ERBB2: variants seen among roughly 807,000 people sequenced by gnomAD.
ERBB2 encodes the protein receptor tyrosine-protein kinase erbB-2.
In ERBB2, 61 loss-of-function variants were observed where a neutral mutation model predicts 149.0. That is an observed-to-expected ratio of 0.41 (90% CI 0.33 to 0.51). The LOEUF (loss-of-function observed/expected upper bound fraction) is 0.51. Ranked by LOEUF, ERBB2 falls within the 20% of genes least tolerant of loss-of-function variation. ERBB2 has a pLI of 0.25. For synonymous variants in ERBB2, 633 were observed against 678.8 expected, an observed-to-expected ratio of 0.93 and a Z score of 1.05; for missense variants, 1,205 against 1,655.1, an observed-to-expected ratio of 0.73 and a Z score of 4.72.
At position 39,723,888 on chromosome 17, in the gene ERBB2, T is replaced by C; in HGVS notation, c.2209-24T>C. On this transcript the variant is annotated intron_variant, in intron 18 of 26. Transcript: ENST00000269571. This position sits in a 1 kb window ranked among gnomAD's most constrained non-coding sequence, Gnocchi z 6.2. ...AGGATCCAGCCCACGCTCTTCTCAC[T>C]CATATCCTCCTCTTTCTGCCCAGGG... 6.3e-7 allele frequency: 1 copy of C among 1,595,458 alleles called. No individual in the cohort carries two copies. The highest frequency in any genetic ancestry group is 8.6e-7 in the Non-Finnish European group (1 of 1,163,142).
chr17:39,711,729 C>G (rs757574376), intron 7 of ERBB2, among the ~76,000 whole-genome samples, 199 bp from the exon 8 acceptor site: 9 of 152,190 alleles, frequency 5.9e-5, no homozygotes, highest in South Asian at 2.1e-4. Context: ...CTTTGGTCTC[C>G]CTTTTTGCAA....
intron 1 of ERBB2, among the ~76,000 whole-genome samples, chr17:39,706,031 T>C (rs1406928333): frequency 1.3e-5 from 2 of 152,206 alleles, no homozygotes; most frequent in African/African-American, 4.8e-5. Context: ...TGTGAGCTGC[T>C]ACCCCGGCGC....
chr17:39,694,042 T>G (rs1247287869), upstream of ERBB2, among the ~76,000 whole-genome samples: 1 of 146,160 alleles, frequency 6.8e-6, no homozygotes, highest in Non-Finnish European at 1.5e-5. Flanking sequence ...AAAAATTAGC[T>G]GGATGTGGTG....
chr17:39,708,272 G>A (rs765000822), intron 2 of ERBB2, 49 bp from the exon 3 acceptor site: 2 of 1,511,040 alleles, frequency 1.3e-6, no homozygotes, highest in Non-Finnish European at 1.8e-6. Flanking sequence ...GGAGGCCCTG[G>A]GGGGTGGCAG....
chr17:39,695,701 G>GCACACACACACACA (rs1226871960), upstream of ERBB2, among the ~76,000 whole-genome samples: 3 of 41,810 alleles, frequency 7.2e-5, no homozygotes, highest in Admixed American at 8.5e-4. Flanking sequence ...TTTGGTGCAT[G>GCACACACACACACA]CATACACACA....
intron 12 of ERBB2, 73 bp from the exon 13 acceptor site, chr17:39,716,228 G>T: frequency 6.8e-7 from 1 of 1,480,462 alleles, no homozygotes; most frequent in Non-Finnish European, 9.0e-7. Flanking sequence ...CATGCCCACA[G>T]CCAGTTCCCT....
At chr17:39,711,079 T>C (rs571016671) in intron 7 of ERBB2, among the ~76,000 whole-genome samples, 2 of 152,282 alleles carry the variant, frequency 1.3e-5, no homozygotes, top group South Asian at 2.1e-4. Flanking sequence ...TTTGTATTTT[T>C]AGTAGAGACA....
chr17:39,725,917 C>T lies in ERBB2; in HGVS notation c.2872+64C>T. The T allele has an allele frequency of 6.4e-7, 1 of 1,574,068 alleles. No individual in the cohort carries two copies. The highest frequency in any genetic ancestry group is 8.7e-7 in the Non-Finnish European group (1 of 1,152,028). Reference sequence around the variant, plus strand: ...GGGAGGTCCTGGGTGGAGGAGCCCACAAGGGGCATGAAAGGGGACCAGGAT... The same window carrying T: ...GGGAGGTCCTGGGTGGAGGAGCCCATAAGGGGCATGAAAGGGGACCAGGAT... On this transcript the variant is annotated intron_variant, in intron 23 of 26. Coordinates refer to ENST00000269571, the MANE Select transcript of ERBB2 (RefSeq NM_004448.4). This position sits in a 1 kb window ranked among gnomAD's most constrained non-coding sequence, Gnocchi z 4.6.
upstream of ERBB2, among the ~76,000 whole-genome samples, chr17:39,694,260 T>TACAC (rs55761415): frequency 7.6e-3 from 179 of 23,478 alleles, 8 homozygotes; most frequent in African/African-American, 0.018. Context: ...TATATATATA[T>TACAC]ATATATATGT....
upstream of ERBB2, among the ~76,000 whole-genome samples, chr17:39,695,753 ACACACG>A (rs1482993842): frequency 3.4e-5 from 5 of 146,702 alleles, no homozygotes; most frequent in African/African-American, 1.3e-4. Flanking sequence ...ACACACACAC[ACACACG>A]TCTCCTGTGC....
chr17:39,726,754 C>CA lies in ERBB2; in HGVS notation c.2971-60dup. On this transcript the variant is annotated intron_variant, in intron 24 of 26. Transcript: ENST00000269571. The surrounding 1 kb of genome is among the most constrained non-coding windows in gnomAD (Gnocchi z 5.1). Reference sequence around the variant, plus strand: ...GATGAGTCCAGTATGCCAGGCCCCTCACGGAAGGCTGCATGCTGGGCTGGG... The same window carrying CA: ...GATGAGTCCAGTATGCCAGGCCCCTCAACGGAAGGCTGCATGCTGGGCTGGG... 6.3e-7 allele frequency: 1 copy of CA among 1,592,382 alleles called. No individual in the cohort carries two copies. Among genetic ancestry groups the CA allele is most frequent in the Non-Finnish European group, 8.6e-7 (1 of 1,160,540 alleles).
upstream of ERBB2, among the ~76,000 whole-genome samples, chr17:39,691,934 C>CATAT (rs57592884): frequency 0.15 from 18,106 of 120,478 alleles, 1,515 homozygotes; most frequent in Admixed American, 0.23. Context: ...TATACATATA[C>CATAT]ATATATATAT....
At chr17:39,706,699 C>G (rs1291902633) in intron 1 of ERBB2, 1 of 304,160 alleles carries the variant, frequency 3.3e-6, no homozygotes, top group Non-Finnish European at 6.0e-6. Flanking sequence ...CAGCCAACAC[C>G]CTGTACTGGC....
chr17:39,716,308 G>A lies in ERBB2; in HGVS notation c.1521G>A (p.Glu507=), dbSNP rs1567906068. 3 of 1,591,806 alleles carry A rather than the reference G, an allele frequency of 1.9e-6. No individual in the cohort carries two copies. The highest frequency in any genetic ancestry group is 2.3e-5 in the South Asian group (2 of 88,284). Residue 507 remains glutamate, a synonymous_variant, in exon 13 of 27, where the codon GAG becomes GAA. Transcript: ENST00000269571. Reference sequence around the variant, plus strand: ...CCTTCCTCCTCACTGCAGTGGGCGAGGGCCTGGCCTGCCACCAGCTGTGCG... The same window carrying A: ...CCTTCCTCCTCACTGCAGTGGGCGAAGGCCTGGCCTGCCACCAGCTGTGCG... ...ANRPEDECVG[E]GLACHQLCAR...
At chr17:39,696,694 C>T (rs1355077988), upstream of ERBB2, 2 of 152,256 alleles carry the variant, frequency 1.3e-5, no homozygotes, top group African/African-American at 2.4e-5. Flanking sequence ...TAACACCTGC[C>T]TCCTCTGGAG....
intron 1 of ERBB2, 47 bp downstream of exon 1, chr17:39,700,358 C>T (rs1003463185): frequency 2.4e-6 from 3 of 1,263,520 alleles, no homozygotes; most frequent in Non-Finnish European, 3.0e-6. Context: ...GGACCCTGCC[C>T]TGTGGATGCC....
chr17:39,698,169 G>C (rs2057911835), upstream of ERBB2, among the ~76,000 whole-genome samples: 1 of 152,084 alleles, frequency 6.6e-6, no homozygotes, highest in South Asian at 2.1e-4. Flanking sequence ...AGCATAGTAT[G>C]TCAGATGCTG....
At chr17:39,693,036 TG>T (rs2057748352), upstream of ERBB2, among the ~76,000 whole-genome samples, 1 of 152,148 alleles carries the variant, frequency 6.6e-6, no homozygotes, top group African/African-American at 2.4e-5. Flanking sequence ...CACTCCAGCC[TG>T]GGCAACAGAG....
Position 39,726,363 on chromosome 17 carries a change from A to C in ERBB2, c.2873-199A>C, listed in dbSNP as rs1198390319. On this transcript the variant is annotated intron_variant, in intron 23 of 26. Transcript: ENST00000269571. The surrounding 1 kb of genome is among the most constrained non-coding windows in gnomAD (Gnocchi z 5.1). ...AATAAAAAAGCAAACAAAAAGAAAA[A>C]AAAAATTAAAAGGGAAACTAGAAGA... The C allele has an allele frequency of 3.5e-6, 2 of 573,914 alleles. No homozygotes were observed. Among genetic ancestry groups the C allele is most frequent in the East Asian group, 2.8e-5 (1 of 35,538 alleles). The allele number at this position is 573,914 out of a possible 1,614,324, so 35.6% of individuals were successfully genotyped here. A position where few individuals can be genotyped will look rare whatever the true frequency, so the allele number is the denominator to read the frequency against.
Sources: gnomAD v4.1 joint callset for allele counts (sites outside exome capture counted in the v4.1 genomes callset) on GRCh38, gnomAD v4.1.1 for gene constraint, Gnocchi (gnomAD v3.1) non-coding constraint, MANE v1.5 for transcripts, NCBI Gene and HGNC (gene_info 2026-07-23, HGNC 2026-07-21) for gene names.